The following ZNF432 variants were observed in gnomAD, a reference collection of about 807,000 sequenced individuals.
The protein encoded by ZNF432 is zinc finger protein 432.
In ZNF432, 10 loss-of-function variants were observed where a neutral mutation model predicts 13.9. The ratio of observed to expected loss-of-function variants is 0.72; its 90% CI spans 0.44 to 1.22. ZNF432 has a LOEUF of 1.22. Ranked by LOEUF, ZNF432 falls within the 50% of genes most tolerant of loss-of-function variation. The pLI is 0.00. For synonymous variants in ZNF432, 247 were observed against 256.2 expected, an observed-to-expected ratio of 0.96 and a Z score of 0.34; for missense variants, 793 against 796.2, an observed-to-expected ratio of 1.00 and a Z score of 0.05.
At chr19:52,043,556 G>C (rs899958760) in intron 2 of ZNF432, among the ~76,000 whole-genome samples, 6 of 151,934 alleles carry the variant, frequency 3.9e-5, no homozygotes, top group African/African-American at 9.7e-5. Flanking sequence ...ACCCGTAAAG[G>C]GTCTGTGCTG....
chr19:52,038,973 C>T lies in ZNF432; in HGVS notation c.238+1515G>A, dbSNP rs559492157. 1.1e-4 allele frequency among the ~76,000 whole-genome samples: 17 copies of T among 152,374 alleles called. No homozygotes were observed. The South Asian group carries it at 3.5e-3, about 32-fold the overall frequency. The stretch of plus-strand genomic sequence containing the variant: ...CCAGCCTTTGGAAAAACTGGACACT[C>T]TAGGTATTAGCCTGACTTCCAGGAG... On this transcript the variant is annotated intron_variant, in intron 4 of 4. Transcript: ENST00000221315.
intron 2 of ZNF432, among the ~76,000 whole-genome samples, chr19:52,044,711 T>C (rs2087165854): frequency 2.0e-5 from 3 of 152,198 alleles, no homozygotes; most frequent in African/African-American, 4.8e-5. Context: ...GATAATGTCA[T>C]ATTTTTAAGT....
In ZNF432 at chr19:52,034,764, A is replaced by G. The variant is rs781644571; in HGVS notation, c.915T>C (p.Ile305=). 1.1e-5 allele frequency: 17 copies of G among 1,612,310 alleles called. No individual in the cohort carries two copies. Among genetic ancestry groups the G allele is most frequent in the Middle Eastern group, 1.7e-4 (1 of 6,046 alleles). Residue 305 remains isoleucine (I), a synonymous_variant, in exon 5 of 5, where the codon ATT becomes ATC. Coordinates refer to ENST00000221315, the MANE Select transcript of ZNF432 (RefSeq NM_014650.4). ...CTCCAGTATGATTTCGCTGATGTAC[A>G]ATGAGATTACGCTTGCCTGGGAAGC... ...GKGFPGKRNL[I]VHQRNHTGEK... is the part of the protein sequence containing the mutation.
rs67232726 is a variant in ZNF432, at chr19:52,048,183, A to AC, written c.-193+511_-193+512insG. On this transcript the variant is annotated intron_variant, in intron 1 of 4. Transcript: ENST00000221315. ...CACACACACACACACACACACACAC[A>AC]AAACCAGCCAGGGCTCTTGTGAAAA... is the stretch of plus-strand genomic sequence containing the variant. 9.2e-3 allele frequency among the ~76,000 whole-genome samples: 1,335 copies of AC among 144,846 alleles called. 16 individuals carry two copies. The highest frequency in any genetic ancestry group is 0.029 in the African/African-American group (1,068 of 36,860).
rs2087031247 is a variant in ZNF432, at chr19:52,033,071, GTAAA to G, written c.*645_*648del. The G allele has an allele frequency of 6.6e-6, 1 of 152,262 alleles. No individual in the cohort carries two copies. The highest frequency in any genetic ancestry group is 1.5e-5 in the Non-Finnish European group (1 of 68,094). The allele number at this position is 152,262 out of a possible 1,614,324, so 9.4% of individuals were successfully genotyped here. A position where few individuals can be genotyped will look rare whatever the true frequency, so the allele number is the denominator to read the frequency against. ...CTACTCCTTTGTAAGATTTATCTCA[GTAAA>G]TACTTTTCAAGACATAGTTACTTAG... On this transcript the variant is annotated 3_prime_UTR_variant, in exon 5 of 5. Coordinates refer to ENST00000221315, the MANE Select transcript of ZNF432 (RefSeq NM_014650.4).
chr19:52,033,872 C>G lies in ZNF432; in HGVS notation c.1807G>C (p.Gly603Arg), dbSNP rs1486481870. 6.2e-7 allele frequency: 1 copy of G among 1,614,058 alleles called. No homozygotes were observed. The highest frequency in any genetic ancestry group is 1.7e-5 in the Admixed American group (1 of 59,998). The change falls in exon 5 of 5, where the codon GGT (glycine) becomes CGT (arginine). Residue 603 changes from glycine (G) to arginine (R), a missense_variant. Physicochemically the swap from Gly to Arg is moderately radical, Grantham distance 125 (BLOSUM62 -2). Coordinates refer to ENST00000221315, the MANE Select transcript of ZNF432 (RefSeq NM_014650.4). ...CGGCTCTTCATAGTGAAGCCTTTAC[C>G]ACATTCATTACATCCATAAGGTTTT... ...GEKPYGCNECGKGFTMKSRLI... is the reference protein window; with the variant it reads ...GEKPYGCNECRKGFTMKSRLI...
At chr19:52,045,802 C>T (rs1186071511) in intron 2 of ZNF432, among the ~76,000 whole-genome samples, 5 of 150,906 alleles carry the variant, frequency 3.3e-5, no homozygotes, top group African/African-American at 1.2e-4. Flanking sequence ...CGAGACCAGC[C>T]TGGCCAAGAT....
chr19:52,034,829 T>C lies in ZNF432; in HGVS notation c.850A>G (p.Thr284Ala), dbSNP rs1017109845. The change falls in exon 5 of 5, where the codon ACT becomes GCT. Residue 284 changes from threonine to alanine, a missense_variant. Physicochemically the swap from Thr to Ala is moderately conservative, Grantham distance 58. Transcript: ENST00000221315. ...SRLIEHQRTHTGEKPYICNEC... is the reference protein window; with the variant it reads ...SRLIEHQRTHAGEKPYICNEC... ...TTGCATATGTAGGGTTTCTCTCCAG[T>C]ATGAGTTCGCTGATGTTCAATCAGA... 2 of 1,613,652 alleles carry C rather than the reference T, an allele frequency of 1.2e-6. No individual in the cohort carries two copies. Among genetic ancestry groups the C allele is most frequent in the Non-Finnish European group, 1.7e-6 (2 of 1,179,748 alleles).
rs771092743 is a variant in ZNF432 at position 52,033,807 on chromosome 19, G to C, written c.1872C>G (p.Pro624=). 2.5e-6 allele frequency: 4 copies of C among 1,613,480 alleles called. No homozygotes were observed. The highest frequency in any genetic ancestry group is 3.4e-6 in the Non-Finnish European group (4 of 1,179,928). Residue 624 remains proline, a synonymous_variant, in exon 5 of 5, where the codon CCC becomes CCG. Coordinates refer to ENST00000221315, the MANE Select transcript of ZNF432 (RefSeq NM_014650.4). ...VHQRTHTGEK[P]FVCSECRKAF... Reference sequence around the variant, plus strand: ...CTTTTCTACATTCACTGCATACAAAGGGTTTCTCTCCTGTATGAGTTCGTT... The same window carrying C: ...CTTTTCTACATTCACTGCATACAAACGGTTTCTCTCCTGTATGAGTTCGTT...
At position 52,046,347 on chromosome 19, in the gene ZNF432, C is replaced by T. The variant is rs539491002; in HGVS notation, c.15+507G>A. Among the ~76,000 whole-genome samples, 16 of 152,264 alleles carry T rather than the reference C, an allele frequency of 1.1e-4. No homozygotes were observed. In the South Asian group the frequency reaches 2.9e-3, roughly 28 times the overall value. On this transcript the variant is annotated intron_variant, in intron 2 of 4. Transcript: ENST00000221315. Reference sequence around the variant, plus strand: ...AGACTTGAGTGTGTGGCCTTGCTTTCGTCCCCTAAAAAAACTGTTTCCACT... The same window carrying T: ...AGACTTGAGTGTGTGGCCTTGCTTTTGTCCCCTAAAAAAACTGTTTCCACT...
At position 52,032,862 on chromosome 19, in the gene ZNF432, CTCGTG is replaced by C. The variant is rs2087029006; in HGVS notation, c.*853_*857del. On this transcript the variant is annotated 3_prime_UTR_variant, in exon 5 of 5. Transcript: ENST00000221315. ...TGAGGCAGCATGTATCACTGAAATCCTCGTGTATTCACTGCCATCTGAAACTTGTT... is the reference window on the plus strand; with the variant it reads ...TGAGGCAGCATGTATCACTGAAATCCTATTCACTGCCATCTGAAACTTGTT... The C allele has an allele frequency of 1.3e-5, 2 of 152,130 alleles. No individual in the cohort carries two copies. Among genetic ancestry groups the C allele is most frequent in the African/African-American group, 4.8e-5 (2 of 41,424 alleles). 9.4% of individuals were successfully genotyped at this position (152,130 alleles called of 1,614,324 possible).
At position 52,034,060 on chromosome 19, in the gene ZNF432, G is replaced by A. The variant is rs762623488; in HGVS notation, c.1619C>T (p.Pro540Leu). The A allele has an allele frequency of 6.2e-6, 10 of 1,614,128 alleles. No individual in the cohort carries two copies. Among genetic ancestry groups the A allele is most frequent in the Non-Finnish European group, 8.5e-6 (10 of 1,179,996 alleles). ...VHQRTHTGEK[P>L]FMCSECGKGF... ...TTTTCCACATTCACTGCACATAAAG[G>A]GTTTCTCTCCAGTATGAGTTCGCTG... The change falls in exon 5 of 5, where the codon CCC (proline) becomes CTC (leucine). Residue 540 changes from proline (P) to leucine (L), a missense_variant. Pro to Leu is a moderately conservative substitution (Grantham distance 98). Transcript: ENST00000221315.
At chr19:52,043,000 G>GC (rs2087149786) in intron 2 of ZNF432, among the ~76,000 whole-genome samples, 1 of 152,172 alleles carries the variant, frequency 6.6e-6, no homozygotes. Flanking sequence ...GTATGGTATG[G>GC]CCTAGCCCTG....
chr19:52,048,128 A>AACACACACACACACACACACAC lies in ZNF432; in HGVS notation c.-193+545_-193+566dup, dbSNP rs3138637. ...TCTGTTCCAGCCAAAGTTTGAGCTCAACACACACACACACACACACACACA... is the reference window on the plus strand; with the variant it reads ...TCTGTTCCAGCCAAAGTTTGAGCTCAACACACACACACACACACACACACACACACACACACACACACACACA... On this transcript the variant is annotated intron_variant, in intron 1 of 4. Transcript: ENST00000221315. Among the ~76,000 whole-genome samples, 705 of 103,398 alleles carry AACACACACACACACACACACAC rather than the reference A, an allele frequency of 6.8e-3. 33 individuals carry two copies. The highest frequency in any genetic ancestry group is 0.012 in the Middle Eastern group (2 of 162). 67.8% of individuals were successfully genotyped at this position (103,398 alleles called of 152,430 possible). A position where few individuals can be genotyped will look rare whatever the true frequency, so the allele number is the denominator to read the frequency against.
In ZNF432 at chr19:52,032,983, T is replaced by C. The variant is rs1466047976; in HGVS notation, c.*737A>G. The C allele has an allele frequency of 2.0e-5, 3 of 152,232 alleles. No individual in the cohort carries two copies. Among genetic ancestry groups the C allele is most frequent in the Non-Finnish European group, 2.9e-5 (2 of 68,042 alleles). 9.4% of individuals were successfully genotyped at this position (152,232 alleles called of 1,614,324 possible). ...AATGCTGCTAGTATGTGTAAGTTCA[T>C]TGATGATCTATTATGATCACTGAAG... On this transcript the variant is annotated 3_prime_UTR_variant, in exon 5 of 5. Transcript: ENST00000221315.
At chr19:52,035,514 C>T in intron 4 of ZNF432, 74 bp from the exon 5 acceptor site, 1 of 1,218,514 alleles carries the variant, frequency 8.2e-7, no homozygotes, top group South Asian at 1.7e-5. Flanking sequence ...AAAAAAAAAT[C>T]CTTGGTGTTT....
intron 2 of ZNF432, among the ~76,000 whole-genome samples, chr19:52,042,113 T>TA (rs763179380): frequency 2.0e-5 from 3 of 152,214 alleles, no homozygotes; most frequent in East Asian, 1.9e-4. Context: ...AAACATACAT[T>TA]AAATATATAT....
At chr19:52,037,290 C>T (rs2087091012) in intron 4 of ZNF432, among the ~76,000 whole-genome samples, 1 of 152,140 alleles carries the variant, frequency 6.6e-6, no homozygotes, top group Admixed American at 6.5e-5. Context: ...ACATCCATCA[C>T]GTTTAATGAA....
Position 52,041,526 on chromosome 19 carries a change from C to A in ZNF432, c.96G>T (p.Leu32Phe), listed in dbSNP as rs2087136558. 3 of 1,612,068 alleles carry A rather than the reference C, an allele frequency of 1.9e-6. No homozygotes were observed. Among genetic ancestry groups the A allele is most frequent in the Middle Eastern group, 3.3e-4 (2 of 6,072 alleles). Reference sequence around the variant, plus strand: ...AGATCTCCAACATCACATCCCGGTACAAATCCTTCTGAAAAGGGCCCAGGA... The same window carrying A: ...AGATCTCCAACATCACATCCCGGTAAAAATCCTTCTGAAAAGGGCCCAGGA... ...WQLLGPFQKD[L>F]YRDVMLEIYS... Residue 32 changes from leucine (L) to phenylalanine (F), a missense_variant, in exon 3 of 5, where the codon TTG (leucine) becomes TTT (phenylalanine). By Grantham distance (22) the Leu-to-Phe change is conservative. Transcript: ENST00000221315.
Sources: allele counts gnomAD v4.1 joint callset (sites outside exome capture counted in the v4.1 genomes callset), GRCh38; gene constraint gnomAD v4.1.1; transcripts MANE v1.5; gene names NCBI Gene and HGNC (gene_info 2026-07-23, HGNC 2026-07-21).